ZNF423: variants seen among roughly 807,000 people sequenced by gnomAD.
The protein encoded by ZNF423 is zinc finger protein 423, also known as Ebf-associated zinc finger protein.
ZNF423 carries 12 observed loss-of-function variants against 95.8 expected under a neutral mutation model. The observed-to-expected ratio is 0.13, with a 90% CI of 0.08 to 0.20. ZNF423 has a LOEUF of 0.20. Among genes scored for constraint, ZNF423 ranks in the 10% least tolerant of loss-of-function variants. ZNF423 has a pLI of 1.00. For missense variants in ZNF423, 1,316 were observed against 1,737.1 expected, an observed-to-expected ratio of 0.76 and a Z score of 4.31; for synonymous variants, 749 against 711.9, an observed-to-expected ratio of 1.05 and a Z score of -0.83.
At chr16:49,536,591 C>T (rs1969064384) in intron 5 of ZNF423, among the ~76,000 whole-genome samples, 2 of 152,042 alleles carry the variant, frequency 1.3e-5, no homozygotes, top group Non-Finnish European at 2.9e-5. Context: ...TGCCAGAGTG[C>T]ACCACCAGAC....
chr16:49,577,042 GACA>G (rs1251802636), intron 5 of ZNF423, among the ~76,000 whole-genome samples: 1 of 152,196 alleles, frequency 6.6e-6, no homozygotes, highest in East Asian at 1.9e-4. Flanking sequence ...AAATGGATGT[GACA>G]ACATTAAAGA....
intron 5 of ZNF423, among the ~76,000 whole-genome samples, chr16:49,555,438 A>T (rs916447416): frequency 6.6e-5 from 10 of 152,362 alleles, no homozygotes; most frequent in African/African-American, 2.4e-4. Context: ...TTTAATTTTG[A>T]CAATGAGCTT....
At chr16:49,673,376 CAAAT>C (rs1248481140) in intron 3 of ZNF423, among the ~76,000 whole-genome samples, 1 of 152,176 alleles carries the variant, frequency 6.6e-6, no homozygotes, top group African/African-American at 2.4e-5. Context: ...ATTCTATTAC[CAAAT>C]AATTACATGA....
At chr16:49,812,952 A>T (rs1331473824) in intron 1 of ZNF423, among the ~76,000 whole-genome samples, 1 of 152,116 alleles carries the variant, frequency 6.6e-6, no homozygotes, top group South Asian at 2.1e-4. Flanking sequence ...CTCCTTGTGC[A>T]TTCATTAGCA....
intron 7 of ZNF423, among the ~76,000 whole-genome samples, chr16:49,505,823 G>T (rs1967611958): frequency 6.6e-6 from 1 of 152,130 alleles, no homozygotes; most frequent in Admixed American, 6.5e-5. Context: ...GAATGCTGTG[G>T]CCTGGCCTCA....
upstream of ZNF423, among the ~76,000 whole-genome samples, chr16:49,856,751 T>C (rs1008668937): frequency 1.1e-3 from 166 of 146,012 alleles, no homozygotes; most frequent in African/African-American, 4.0e-3. Flanking sequence ...GCTCAGCCCG[T>C]GCGCCGGGCC....
chr16:49,554,613 C>T (rs1424902160), intron 5 of ZNF423, among the ~76,000 whole-genome samples: 1 of 151,578 alleles, frequency 6.6e-6, no homozygotes, highest in Non-Finnish European at 1.5e-5. Context: ...ATTAATAGGC[C>T]CCTATGGTAT....
chr16:49,712,077 A>G (rs1295199990), intron 3 of ZNF423, among the ~76,000 whole-genome samples: 1 of 152,216 alleles, frequency 6.6e-6, no homozygotes, highest in Non-Finnish European at 1.5e-5. Flanking sequence ...TGTTCACACC[A>G]CTGTACTCCA....
At chr16:49,837,034 A>G (rs2035127828) in intron 1 of ZNF423, among the ~76,000 whole-genome samples, 1 of 152,166 alleles carries the variant, frequency 6.6e-6, no homozygotes. Flanking sequence ...ACGCCGGGAC[A>G]CATTGGAGCA....
chr16:49,692,526 C>A (rs773524310), intron 3 of ZNF423, among the ~76,000 whole-genome samples: 5 of 152,228 alleles, frequency 3.3e-5, no homozygotes, highest in Admixed American at 6.5e-5. Flanking sequence ...CCATGCCTGA[C>A]CCCCACTGCC....
chr16:49,642,376 A>G (rs1973002140), intron 3 of ZNF423, among the ~76,000 whole-genome samples: 1 of 152,178 alleles, frequency 6.6e-6, no homozygotes, highest in Non-Finnish European at 1.5e-5. Context: ...TTTGAAAAGG[A>G]GAATCTTAAC....
chr16:49,583,965 C>A (rs1419960403), intron 5 of ZNF423, among the ~76,000 whole-genome samples: 1 of 152,142 alleles, frequency 6.6e-6, no homozygotes, highest in Non-Finnish European at 1.5e-5. Flanking sequence ...AGTCACAGAC[C>A]CAGCTTGTTC....
intron 2 of ZNF423, among the ~76,000 whole-genome samples, chr16:49,777,405 C>T (rs150350707): frequency 1.5e-3 from 228 of 152,188 alleles, no homozygotes; most frequent in African/African-American, 5.3e-3. Context: ...TGTGTGCATG[C>T]ATCCTTGTGT....
rs916753351 is a variant in ZNF423 at position 49,489,660 on chromosome 16, C to G, written c.*1615G>C. On this transcript the variant is annotated 3_prime_UTR_variant, in exon 8 of 8. Coordinates refer to ENST00000563137, the MANE Select transcript of ZNF423 (RefSeq NM_001379286.1). ...ATGGGTATAATTGCTCCAAATTCCA[C>G]ACCCGTGACTTAGTATTACATTATA... The G allele has an allele frequency of 9.2e-5, 14 of 152,254 alleles. No individual in the cohort carries two copies. The highest frequency in any genetic ancestry group is 9.2e-4 in the Admixed American group (14 of 15,290). 9.4% of individuals were successfully genotyped at this position (152,254 alleles called of 1,614,324 possible). A position where few individuals can be genotyped will look rare whatever the true frequency, so the allele number is the denominator to read the frequency against.
At chr16:49,708,236 C>G (rs2032422433) in intron 3 of ZNF423, 1 of 152,200 alleles carries the variant, frequency 6.6e-6, no homozygotes, top group African/African-American at 2.4e-5. Context: ...TGGAAAAGAA[C>G]TGGCTGGATC....
intron 2 of ZNF423, among the ~76,000 whole-genome samples, chr16:49,736,709 C>A (rs987249023): frequency 7.2e-5 from 11 of 152,154 alleles, no homozygotes; most frequent in African/African-American, 9.7e-5. Flanking sequence ...GCAGGAGGAT[C>A]GTTTCAGCCC....
At position 49,603,268 on chromosome 16, in the gene ZNF423, C is replaced by T. The variant is rs1027535634; in HGVS notation, c.3601+22902G>A. 1.3e-5 allele frequency among the ~76,000 whole-genome samples: 2 copies of T among 152,200 alleles called. No homozygotes were observed. Among genetic ancestry groups the T allele is most frequent in the Non-Finnish European group, 2.9e-5 (2 of 68,032 alleles). ...ACCTGCACAACCATATCCTGCAGGC[C>T]TGTGTCCTGTGGGGTTCCTGTCACT... is the stretch of plus-strand genomic sequence containing the variant. On this transcript the variant is annotated intron_variant, in intron 5 of 7. Coordinates refer to ENST00000563137, the MANE Select transcript of ZNF423 (RefSeq NM_001379286.1). This position sits in a 1 kb window ranked among gnomAD's most constrained non-coding sequence, Gnocchi z 4.1.
At chr16:49,736,973 G>A (rs1292495853) in intron 2 of ZNF423, among the ~76,000 whole-genome samples, 2 of 152,100 alleles carry the variant, frequency 1.3e-5, no homozygotes, top group Non-Finnish European at 2.9e-5. Context: ...GCCAGGGACA[G>A]AGGGCCTTGC....
chr16:49,497,525 A>G (rs1272053762), intron 7 of ZNF423, among the ~76,000 whole-genome samples: 1 of 152,066 alleles, frequency 6.6e-6, no homozygotes, highest in Non-Finnish European at 1.5e-5. Flanking sequence ...CAGCCCCCAC[A>G]CCCAGAGCAT....
Sources: gnomAD v4.1 joint callset for allele counts (sites outside exome capture counted in the v4.1 genomes callset) on GRCh38, gnomAD v4.1.1 for gene constraint, Gnocchi (gnomAD v3.1) non-coding constraint, MANE v1.5 for transcripts, NCBI Gene and HGNC (gene_info 2026-07-23, HGNC 2026-07-21) for gene names.